Variants in CRY1 observed in about 807,000 individuals in gnomAD.
The protein encoded by CRY1 is cryptochrome-1.
A neutral mutation model predicts 76.0 loss-of-function variants in CRY1; 45 were observed. The observed-to-expected ratio is 0.59, with a 90% CI of 0.47 to 0.76. The LOEUF (loss-of-function observed/expected upper bound fraction) is 0.76, where lower values mean the gene tolerates loss of function less well. Ranked by LOEUF, CRY1 falls within the 30% of genes least tolerant of loss-of-function variation. The pLI is 0.00. For synonymous variants in CRY1, 248 were observed against 244.0 expected, an observed-to-expected ratio of 1.02 and a Z score of -0.15; for missense variants, 587 against 716.4, an observed-to-expected ratio of 0.82 and a Z score of 2.06.
intron 1 of CRY1, among the ~76,000 whole-genome samples, chr12:107,088,712 T>C (rs1292237394): frequency 6.6e-6 from 1 of 152,212 alleles, no homozygotes; most frequent in Non-Finnish European, 1.5e-5. Flanking sequence ...AAAACAATAC[T>C]AACATTCACA....
At chr12:107,014,021 T>C (rs187613464) in intron 2 of CRY1, among the ~76,000 whole-genome samples, 1 of 152,284 alleles carries the variant, frequency 6.6e-6, no homozygotes, top group Non-Finnish European at 1.5e-5. Flanking sequence ...GCCACCTCTA[T>C]GTGGACGGAA....
At chr12:107,091,138 C>CTCCTGCG in intron 1 of CRY1, among the ~76,000 whole-genome samples, 1 of 151,954 alleles carries the variant, frequency 6.6e-6, no homozygotes, top group African/African-American at 2.4e-5. Flanking sequence ...CTCCTAGGTT[C>CTCCTGCG]ATGCGATTCT....
intron 1 of CRY1, among the ~76,000 whole-genome samples, chr12:107,043,718 C>T (rs1952823595): frequency 2.6e-5 from 4 of 152,118 alleles, no homozygotes; most frequent in Admixed American, 2.0e-4. Flanking sequence ...CCCTGTTCCT[C>T]GCAGGGTCCA....
intron 1 of CRY1, among the ~76,000 whole-genome samples, chr12:107,024,583 C>T (rs1230507055): frequency 6.6e-6 from 1 of 152,008 alleles, no homozygotes; most frequent in Non-Finnish European, 1.5e-5. Flanking sequence ...CCCCACGTTG[C>T]CCAGGCTGGT....
chr12:107,056,646 T>A (rs184127196), intron 1 of CRY1, among the ~76,000 whole-genome samples: 32 of 152,220 alleles, frequency 2.1e-4, no homozygotes, highest in Admixed American at 1.9e-3. Flanking sequence ...CCTATGACAA[T>A]TCTTCCAATG....
intron 1 of CRY1, among the ~76,000 whole-genome samples, chr12:107,067,415 C>CA (rs1953126250): frequency 6.6e-6 from 1 of 152,132 alleles, no homozygotes; most frequent in African/African-American, 2.4e-5. Context: ...TTTTATCTCA[C>CA]AGACTCCCTT....
chr12:106,993,660 T>C (rs144633843), intron 10 of CRY1, among the ~76,000 whole-genome samples: 7 of 152,192 alleles, frequency 4.6e-5, no homozygotes, highest in African/African-American at 1.7e-4. Flanking sequence ...AGCAGGTGGA[T>C]AGGTCAACAC....
intron 1 of CRY1, among the ~76,000 whole-genome samples, chr12:107,070,355 A>T (rs890494114): frequency 2.0e-5 from 3 of 152,236 alleles, no homozygotes; most frequent in African/African-American, 7.2e-5. Flanking sequence ...TGGGAAAAAA[A>T]CAGAATAAGA....
intron 1 of CRY1, among the ~76,000 whole-genome samples, chr12:107,042,132 G>C (rs1952805653): frequency 6.6e-6 from 1 of 152,092 alleles, no homozygotes; most frequent in Admixed American, 6.5e-5. Context: ...ATAAATGAAT[G>C]ACTGAATAAT....
At chr12:107,065,763 A>G (rs924079235) in intron 1 of CRY1, among the ~76,000 whole-genome samples, 5 of 152,218 alleles carry the variant, frequency 3.3e-5, no homozygotes, top group Non-Finnish European at 7.3e-5. Context: ...GACGTTGCCC[A>G]AAATGAGACA....
At chr12:107,080,578 A>G (rs539762331) in intron 1 of CRY1, among the ~76,000 whole-genome samples, 1 of 152,196 alleles carries the variant, frequency 6.6e-6, no homozygotes, top group African/African-American at 2.4e-5. Flanking sequence ...GCTGGCAGGA[A>G]AGCACAGAAG....
At chr12:107,026,741 T>G (rs1413059591) in intron 1 of CRY1, among the ~76,000 whole-genome samples, 1 of 150,612 alleles carries the variant, frequency 6.6e-6, no homozygotes, top group Admixed American at 6.7e-5. Context: ...CAAACAGAAG[T>G]TGTTATTTTC....
chr12:107,079,262 G>T (rs2136898547), intron 1 of CRY1, among the ~76,000 whole-genome samples: 2 of 152,244 alleles, frequency 1.3e-5, no homozygotes, highest in Middle Eastern at 3.4e-3. Context: ...CCAATGAAGT[G>T]CCATAAGACT....
intron 1 of CRY1, among the ~76,000 whole-genome samples, chr12:107,088,257 C>A (rs913818501): frequency 2.6e-5 from 4 of 151,992 alleles, no homozygotes; most frequent in Non-Finnish European, 4.4e-5. Flanking sequence ...ATTAACAGAA[C>A]AATTAATTAT....
intron 1 of CRY1, among the ~76,000 whole-genome samples, chr12:107,063,978 G>A (rs917598489): frequency 4.6e-5 from 7 of 152,030 alleles, no homozygotes; most frequent in Non-Finnish European, 8.8e-5. Flanking sequence ...TCTCCTAAGC[G>A]CCACCCTGGA....
chr12:107,024,481 C>G (rs1472426012), intron 1 of CRY1, among the ~76,000 whole-genome samples: 1 of 151,570 alleles, frequency 6.6e-6, no homozygotes, highest in African/African-American at 2.4e-5. Flanking sequence ...GCAGCCTTGA[C>G]TTCTCCCACC....
intron 1 of CRY1, among the ~76,000 whole-genome samples, chr12:107,054,104 T>C (rs1035647248): frequency 6.6e-6 from 1 of 152,114 alleles, no homozygotes; most frequent in African/African-American, 2.4e-5. Context: ...ACATTGTAAA[T>C]AGTAGATATG....
At chr12:107,003,899 C>A (rs61226453) in intron 3 of CRY1, among the ~76,000 whole-genome samples, 12 of 150,892 alleles carry the variant, frequency 8.0e-5, no homozygotes, top group Non-Finnish European at 1.6e-4. Context: ...GTCTGCCTCC[C>A]GGGTTCAAGT....
At chr12:107,022,058 T>C in intron 2 of CRY1, 26 bp downstream of exon 2, 1 of 1,502,908 alleles carries the variant, frequency 6.7e-7, no homozygotes, top group South Asian at 1.2e-5. Flanking sequence ...GAAAAGATTG[T>C]TTTATGCAAA....
Sources: allele counts gnomAD v4.1 joint callset (sites outside exome capture counted in the v4.1 genomes callset), GRCh38; gene constraint gnomAD v4.1.1; transcripts MANE v1.5; gene names NCBI Gene and HGNC (gene_info 2026-07-23, HGNC 2026-07-21).